The following TSC22D1 variants were observed in gnomAD, a reference collection of about 807,000 sequenced individuals.
TSC22D1 encodes TSC22 domain family member 1.
TSC22D1 carries 9 observed loss-of-function variants against 74.2 expected under a neutral mutation model. The observed-to-expected ratio is 0.12, with a 90% CI of 0.07 to 0.21. The LOEUF is 0.21. Among genes scored for constraint, TSC22D1 ranks in the 10% least tolerant of loss-of-function variants. The pLI is 1.00. For missense variants in TSC22D1, 1,427 were observed against 1,304.7 expected (o/e 1.09, Z -1.44); for synonymous variants, 586 against 492.5 (o/e 1.19, Z -2.51).
At chr13:44,557,380 G>T (rs1452781105) in intron 1 of TSC22D1, among the ~76,000 whole-genome samples, 1 of 152,212 alleles carries the variant, frequency 6.6e-6, no homozygotes, top group East Asian at 1.9e-4. Flanking sequence ...AGAATTGCTT[G>T]AACCTGCGAG....
chr13:44,560,972 C>T (rs1489363712), intron 1 of TSC22D1, among the ~76,000 whole-genome samples: 1 of 152,074 alleles, frequency 6.6e-6, no homozygotes, highest in Non-Finnish European at 1.5e-5. Flanking sequence ...GTCTCATCTG[C>T]TTTAAGATAA....
At chr13:44,491,439 A>G (rs1878713841) in intron 1 of TSC22D1, among the ~76,000 whole-genome samples, 1 of 151,504 alleles carries the variant, frequency 6.6e-6, no homozygotes. Flanking sequence ...CTGTAGTCCC[A>G]GCTACTCGGG....
chr13:44,477,188 A>G (rs1008472849), intron 1 of TSC22D1, among the ~76,000 whole-genome samples: 2 of 152,028 alleles, frequency 1.3e-5, no homozygotes, highest in Non-Finnish European at 2.9e-5. Flanking sequence ...CCTGGCCTCA[A>G]GTGATCCACC....
rs751323675 is a variant in TSC22D1, at chr13:44,573,823, G to C, written c.2252C>G (p.Pro751Arg). 1 of 1,614,216 alleles carries C rather than the reference G, an allele frequency of 6.2e-7. No homozygotes were observed. Among genetic ancestry groups the C allele is most frequent in the Non-Finnish European group, 8.5e-7 (1 of 1,180,030 alleles). The change falls in exon 1 of 3, where the codon CCT becomes CGT. Residue 751 changes from proline to arginine, a missense_variant. This residue lies in a region of TSC22D1 where 1,343 missense variants were observed against 1,191.5 expected (regional missense o/e 1.13). Transcript: ENST00000458659. The stretch of plus-strand genomic sequence containing the variant: ...AGGAGCACCCTGCTGAATAACTGAA[G>C]GTGGAACCTGGGTAGAGGGCTGCTG... ...AVQQPSTQVP[P>R]SVIQQGAPPS... is the part of the protein sequence containing the mutation.
At chr13:44,455,181 G>C (rs1271407555) in intron 1 of TSC22D1, among the ~76,000 whole-genome samples, 1 of 152,144 alleles carries the variant, frequency 6.6e-6, no homozygotes, top group Non-Finnish European at 1.5e-5. Context: ...TGAAATTTTA[G>C]CTAGCTTTCA....
chr13:44,447,599 T>A (rs946846977), intron 1 of TSC22D1, among the ~76,000 whole-genome samples: 1 of 152,090 alleles, frequency 6.6e-6, no homozygotes, highest in Non-Finnish European at 1.5e-5. Context: ...CTTAAAATGC[T>A]AATAGATTTA....
intron 1 of TSC22D1, among the ~76,000 whole-genome samples, chr13:44,475,046 G>T (rs1877829462): frequency 6.6e-6 from 1 of 152,102 alleles, no homozygotes; most frequent in African/African-American, 2.4e-5. Flanking sequence ...TATTTAAACA[G>T]TCTGCAATGT....
At chr13:44,443,119 C>T (rs1461358060) in intron 1 of TSC22D1, among the ~76,000 whole-genome samples, 2 of 150,424 alleles carry the variant, frequency 1.3e-5, no homozygotes, top group Non-Finnish European at 3.0e-5. Context: ...AGAAGCTAAA[C>T]AAACCCCAAA....
Position 44,575,898 on chromosome 13 carries a change from C to T in TSC22D1, c.177G>A (p.Pro59=). The change falls in exon 1 of 3, where the codon CCG becomes CCA. Residue 59 remains proline, a synonymous_variant. Transcript: ENST00000458659. ...GSNATSSEDF[P]PPSLLQPPPP... ...GCGGCGGCTGAAGCAGCGACGGAGG[C>T]GGAAAATCCTCGGAAGATGTGGCAT... is the stretch of plus-strand genomic sequence containing the variant. The T allele has an allele frequency of 6.2e-7, 1 of 1,613,856 alleles. No individual in the cohort carries two copies. Among genetic ancestry groups the T allele is most frequent in the East Asian group, 2.2e-5 (1 of 44,872 alleles).
chr13:44,576,336 C>G (rs1595187510), upstream of TSC22D1: 1 of 483,162 alleles, frequency 2.1e-6, no homozygotes. Flanking sequence ...ACTTTCCCCT[C>G]TAGCCTCACA....
At position 44,573,473 on chromosome 13, in the gene TSC22D1, A is replaced by G; in HGVS notation, c.2602T>C (p.Leu868=). Residue 868 remains leucine, a synonymous_variant, in exon 1 of 3, where the codon TTG becomes CTG. Coordinates refer to ENST00000458659, the MANE Select transcript of TSC22D1 (RefSeq NM_183422.4). ...GGAGGTTGACTAACACTTTGAACCA[A>G]ATTACCATTTTGGGTAGCAGGGGTT... The part of the protein sequence containing the change: ...AQTPATQNGN[L]VQSVSQPPLI... The G allele has an allele frequency of 6.2e-7, 1 of 1,614,238 alleles. No individual in the cohort carries two copies.
At chr13:44,512,940 G>A (rs1023239263) in intron 1 of TSC22D1, among the ~76,000 whole-genome samples, 5 of 152,298 alleles carry the variant, frequency 3.3e-5, no homozygotes, top group South Asian at 4.1e-4. Context: ...GAGCCACTGC[G>A]CCTGGCCTCT....
intron 1 of TSC22D1, chr13:44,537,717 G>A (rs1253671289): frequency 1.0e-6 from 1 of 984,416 alleles, no homozygotes; most frequent in Non-Finnish European, 1.2e-6. Flanking sequence ...GGAAATTTCA[G>A]TTCAAATTGA....
rs990296473 is a variant in TSC22D1 at position 44,574,226 on chromosome 13, G to C, written c.1849C>G (p.Pro617Ala). ...YSQAAPPVQT[P>A]LPGAPPPQQL... ...TGGGGTGGTGGTGCCCCTGGAAGGGGAGTTTGCACTGGAGGAGCCGCCTGA... is the reference window on the plus strand; with the variant it reads ...TGGGGTGGTGGTGCCCCTGGAAGGGCAGTTTGCACTGGAGGAGCCGCCTGA... Residue 617 changes from proline to alanine, a missense_variant, in exon 1 of 3, where the codon CCC becomes GCC. Around this residue, in one of 3 missense-constraint regions of TSC22D1, gnomAD observed 1,343 missense variants for 1,191.5 expected, o/e 1.13. Transcript: ENST00000458659. The C allele has an allele frequency of 1.2e-6, 2 of 1,614,250 alleles. No homozygotes were observed. The highest frequency in any genetic ancestry group is 1.7e-6 in the Non-Finnish European group (2 of 1,180,044).
intron 1 of TSC22D1, among the ~76,000 whole-genome samples, chr13:44,552,845 G>A (rs754319996): frequency 7.9e-5 from 12 of 152,106 alleles, no homozygotes; most frequent in Admixed American, 2.0e-4. Context: ...AAAATTAGCC[G>A]GGTGTGGTGG....
At chr13:44,437,390 A>G in intron 1 of TSC22D1, 1 of 344,558 alleles carries the variant, frequency 2.9e-6, no homozygotes, top group African/African-American at 2.2e-5. Context: ...GATAATAATC[A>G]CCCTGCAATC....
At chr13:44,522,933 G>T (rs965646882) in intron 1 of TSC22D1, among the ~76,000 whole-genome samples, 2 of 150,894 alleles carry the variant, frequency 1.3e-5, no homozygotes, top group Non-Finnish European at 1.5e-5. Flanking sequence ...TCTTATAAAG[G>T]ACTGGTATCT....
chr13:44,487,225 G>C (rs1188080108), intron 1 of TSC22D1, among the ~76,000 whole-genome samples: 1 of 152,022 alleles, frequency 6.6e-6, no homozygotes, highest in Non-Finnish European at 1.5e-5. Flanking sequence ...CTGGCCAGGT[G>C]TGGTGGCTCA....
At chr13:44,530,815 T>C (rs1033107168) in intron 1 of TSC22D1, among the ~76,000 whole-genome samples, 7 of 152,128 alleles carry the variant, frequency 4.6e-5, no homozygotes, top group Non-Finnish European at 7.4e-5. Flanking sequence ...ACACACCTAT[T>C]AGAGTAGCTA....
Sources: allele counts gnomAD v4.1 joint callset (sites outside exome capture counted in the v4.1 genomes callset), GRCh38; gene constraint gnomAD v4.1.1; regional missense constraint gnomAD v4.1.1; transcripts MANE v1.5; gene names NCBI Gene and HGNC (gene_info 2026-07-23, HGNC 2026-07-21).